DCC: variants seen among roughly 807,000 people sequenced by gnomAD.
The protein encoded by DCC is netrin receptor DCC.
A neutral mutation model predicts 172.5 loss-of-function variants in DCC; 58 were observed. The observed-to-expected ratio is 0.34, with a 90% CI of 0.27 to 0.42. DCC has a LOEUF of 0.42. Ranked by LOEUF, DCC falls within the 10% of genes least tolerant of loss-of-function variation. DCC has a pLI of 1.00. For synonymous variants in DCC, 709 were observed against 644.5 expected, an observed-to-expected ratio of 1.10 and a Z score of -1.52; for missense variants, 1,740 against 1,791.0, an observed-to-expected ratio of 0.97 and a Z score of 0.51.
intron 2 of DCC, among the ~76,000 whole-genome samples, chr18:52,790,078 C>G (rs1206722788): frequency 4.6e-5 from 7 of 152,150 alleles, no homozygotes; most frequent in Admixed American, 6.5e-5. Context: ...ATTTTCTGGC[C>G]CTCACCCAGG....
chr18:53,213,752 G>A (rs1245614982), intron 11 of DCC, among the ~76,000 whole-genome samples: 1 of 70,130 alleles, frequency 1.4e-5, no homozygotes, highest in East Asian at 2.1e-4. Context: ...TTGGAAGTTT[G>A]TGAAATTATA....
Position 53,402,852 on chromosome 18 carries a change from T to C in DCC, c.2894T>C (p.Val965Ala). The C allele has an allele frequency of 1.2e-6, 2 of 1,614,120 alleles. No individual in the cohort carries two copies. Among genetic ancestry groups the C allele is most frequent in the South Asian group, 2.2e-5 (2 of 91,082 alleles). ...GAAGGGAAGCCTCGTGCCGTCATTG[T>C]GAGTTGGCAGCCTCCCTTGGAAGCC... The part of the protein sequence containing the change: ...TREGKPRAVI[V>A]SWQPPLEANG... Residue 965 changes from valine to alanine, a missense_variant, in exon 19 of 29, where the codon GTG (valine) becomes GCG (alanine). Transcript: ENST00000442544.
chr18:52,452,658 T>A (rs1988341952), intron 1 of DCC, among the ~76,000 whole-genome samples: 1 of 152,220 alleles, frequency 6.6e-6, no homozygotes, highest in Non-Finnish European at 1.5e-5. Flanking sequence ...GTGATTCATG[T>A]CACAACATAG....
chr18:52,795,954 CTT>C (rs1378452878), intron 2 of DCC, among the ~76,000 whole-genome samples: 1 of 151,570 alleles, frequency 6.6e-6, no homozygotes, highest in Non-Finnish European at 1.5e-5. Flanking sequence ...TAGAATAAAA[CTT>C]GTCTTATTCT....
At position 53,322,112 on chromosome 18, in the gene DCC, C is replaced by T. The variant is rs1458241128; in HGVS notation, c.2119C>T (p.Pro707Ser). 1 of 1,605,842 alleles carries T rather than the reference C, an allele frequency of 6.2e-7. No homozygotes were observed. Residue 707 changes from proline (P) to serine (S), a missense_variant, in exon 14 of 29, where the codon CCT becomes TCT. By Grantham distance (74) the Pro-to-Ser change is moderately conservative (BLOSUM62 -1). This residue lies in a region of DCC where 1,732 missense variants were observed against 1,767.4 expected (regional missense o/e 0.98). Coordinates refer to ENST00000442544, the MANE Select transcript of DCC (RefSeq NM_005215.4). ...SAMTVNGTGP[P>S]SNWYTAETPE... ...CATGACAGTCAATGGTACTGGACCA[C>T]CTTCCAACTGGTATACTGCAGAGAC...
chr18:52,506,012 G>T (rs2031217101), intron 1 of DCC, among the ~76,000 whole-genome samples: 1 of 152,118 alleles, frequency 6.6e-6, no homozygotes, highest in South Asian at 2.1e-4. Context: ...CACAGAGCTG[G>T]CTGACAGGGT....
At chr18:52,440,835 C>T (rs1241777833) in intron 1 of DCC, among the ~76,000 whole-genome samples, 1 of 152,150 alleles carries the variant, frequency 6.6e-6, no homozygotes, top group African/African-American at 2.4e-5. Flanking sequence ...CAAGGAAGTT[C>T]ATTGAGGGCA....
chr18:52,511,967 A>T (rs187347649), intron 1 of DCC, among the ~76,000 whole-genome samples: 5 of 152,166 alleles, frequency 3.3e-5, no homozygotes, highest in Non-Finnish European at 1.5e-5. Context: ...GGCTGTGTTT[A>T]TATGATGTGT....
chr18:53,061,748 A>G (rs529726421), intron 5 of DCC, among the ~76,000 whole-genome samples: 312 of 152,252 alleles, frequency 2.0e-3, no homozygotes, highest in African/African-American at 7.3e-3. Flanking sequence ...ATTTGGGGAA[A>G]GTTATTTAAA....
chr18:52,355,144 G>A (rs184319107), intron 1 of DCC, among the ~76,000 whole-genome samples: 1 of 152,116 alleles, frequency 6.6e-6, no homozygotes, highest in African/African-American at 2.4e-5. Flanking sequence ...ACTTGAGTGA[G>A]TCAAAGCATT....
At chr18:52,965,775 C>T (rs1162734618) in intron 5 of DCC, among the ~76,000 whole-genome samples, 1 of 152,162 alleles carries the variant, frequency 6.6e-6, no homozygotes, top group African/African-American at 2.4e-5. Context: ...TAAGATCATA[C>T]TTGGTGGCAA....
At chr18:52,591,968 C>T (rs1310440444) in intron 1 of DCC, among the ~76,000 whole-genome samples, 2 of 151,960 alleles carry the variant, frequency 1.3e-5, no homozygotes, top group Non-Finnish European at 2.9e-5. Context: ...AATTCTTAAG[C>T]ATCTCATAGG....
chr18:52,877,348 A>G (rs974355874), intron 2 of DCC, among the ~76,000 whole-genome samples: 2 of 152,092 alleles, frequency 1.3e-5, no homozygotes, highest in African/African-American at 4.8e-5. Flanking sequence ...GTTTCGAACT[A>G]TTGGTCTAGA....
At chr18:53,310,359 G>C (rs2057251880) in intron 13 of DCC, among the ~76,000 whole-genome samples, 2 of 151,924 alleles carry the variant, frequency 1.3e-5, no homozygotes, top group African/African-American at 2.4e-5. Context: ...TTATTGATTT[G>C]GCTGTTTAAA....
intron 5 of DCC, among the ~76,000 whole-genome samples, chr18:53,034,488 A>G (rs982810222): frequency 6.6e-6 from 1 of 151,974 alleles, no homozygotes; most frequent in Non-Finnish European, 1.5e-5. Context: ...AATCCCATTG[A>G]CTCTAATTTC....
rs529603054 is a variant in DCC at position 53,096,645 on chromosome 18, T to C, written c.1261+30479T>C. Among the ~76,000 whole-genome samples the C allele has an allele frequency of 1.0e-3, 152 of 152,236 alleles. 4 individuals carry two copies. The South Asian group carries it at 0.03, about 30-fold the overall frequency. On this transcript the variant is annotated intron_variant, in intron 7 of 28. Transcript: ENST00000442544. Reference sequence around the variant, plus strand: ...TATAATGGAGGGGCTATGCTTTAGATTGAAGTTTATAGCCTCATAGTGAAT... The same window carrying C: ...TATAATGGAGGGGCTATGCTTTAGACTGAAGTTTATAGCCTCATAGTGAAT...
chr18:52,625,724 A>G (rs570217628), intron 1 of DCC, among the ~76,000 whole-genome samples: 1 of 152,080 alleles, frequency 6.6e-6, no homozygotes, highest in African/African-American at 2.4e-5. Context: ...CACAGTCTCT[A>G]TTTCTTCATT....
chr18:52,814,389 C>T lies in DCC; in HGVS notation c.412+62015C>T, dbSNP rs752542822. Reference sequence around the variant, plus strand: ...ACTGCTGTGAGGAGGAAGACACAAGCAGCTGAGCTTAGGTGCAGTCTCTCC... The same window carrying T: ...ACTGCTGTGAGGAGGAAGACACAAGTAGCTGAGCTTAGGTGCAGTCTCTCC... On this transcript the variant is annotated intron_variant, in intron 2 of 28. Transcript: ENST00000442544. Among the ~76,000 whole-genome samples, 5 of 152,324 alleles carry T rather than the reference C, an allele frequency of 3.3e-5. No homozygotes were observed. The East Asian group carries it at 9.7e-4, about 29-fold the overall frequency.
chr18:52,821,989 T>C (rs992030163), intron 2 of DCC, among the ~76,000 whole-genome samples: 13 of 152,340 alleles, frequency 8.5e-5, no homozygotes, highest in Admixed American at 3.9e-4. Context: ...ACCTTTAGTC[T>C]GTCCAGAGCC....
Sources: gnomAD v4.1 joint callset for allele counts (sites outside exome capture counted in the v4.1 genomes callset) on GRCh38, gnomAD v4.1.1 for gene constraint, gnomAD v4.1.1 regional missense constraint, MANE v1.5 for transcripts, NCBI Gene and HGNC (gene_info 2026-07-23, HGNC 2026-07-21) for gene names.